KCNIP4: variants seen among roughly 807,000 people sequenced by gnomAD.
The protein encoded by KCNIP4 is Kv channel-interacting protein 4.
KCNIP4 carries 12 observed loss-of-function variants against 34.0 expected under a neutral mutation model. The observed-to-expected ratio is 0.35, with a 90% CI of 0.23 to 0.57. The LOEUF (loss-of-function observed/expected upper bound fraction) is 0.57, where lower values mean the gene tolerates loss of function less well. Among genes scored for constraint, KCNIP4 ranks in the 20% least tolerant of loss-of-function variants. The pLI is 0.83. For synonymous variants in KCNIP4, 124 were observed against 102.2 expected (o/e 1.21, Z -1.29); for missense variants, 238 against 311.7 (o/e 0.76, Z 1.78).
intron 1 of KCNIP4, among the ~76,000 whole-genome samples, chr4:21,677,379 G>T (rs1274561483): frequency 2.0e-5 from 3 of 152,136 alleles, no homozygotes; most frequent in East Asian, 1.9e-4. Context: ...ATCACAGAAG[G>T]TTCCTCACTG....
At chr4:21,203,008 A>G (rs2108958630) in intron 1 of KCNIP4, among the ~76,000 whole-genome samples, 1 of 152,322 alleles carries the variant, frequency 6.6e-6, no homozygotes, top group Non-Finnish European at 1.5e-5. Context: ...CCACAAGTCC[A>G]AGCTCAGTTC....
chr4:20,772,223 A>G (rs1578581270), intron 3 of KCNIP4, among the ~76,000 whole-genome samples: 1 of 152,276 alleles, frequency 6.6e-6, no homozygotes, highest in African/African-American at 2.4e-5. Flanking sequence ...GCGGGGGGAA[A>G]AGTTAACTAA....
chr4:21,461,870 A>C (rs561034392), intron 1 of KCNIP4, among the ~76,000 whole-genome samples: 46 of 152,118 alleles, frequency 3.0e-4, no homozygotes, highest in African/African-American at 1.1e-3. Context: ...TGGTAATCTT[A>C]TCCTCAAATC....
intron 1 of KCNIP4, among the ~76,000 whole-genome samples, chr4:21,681,355 C>T (rs1018709898): frequency 7.2e-5 from 11 of 152,102 alleles, no homozygotes; most frequent in African/African-American, 1.9e-4. Flanking sequence ...ATTCCTCCTG[C>T]CTTGGCCTCC....
At chr4:21,559,370 T>C (rs1217794039) in intron 1 of KCNIP4, among the ~76,000 whole-genome samples, 1 of 152,140 alleles carries the variant, frequency 6.6e-6, no homozygotes, top group African/African-American at 2.4e-5. Flanking sequence ...TTCGATGATA[T>C]ATTGTAGACC....
intron 1 of KCNIP4, among the ~76,000 whole-genome samples, chr4:21,069,599 A>T (rs559620235): frequency 6.6e-6 from 1 of 152,166 alleles, no homozygotes; most frequent in Admixed American, 6.6e-5. Flanking sequence ...GTGGGAGAGG[A>T]CATAGGTTAA....
chr4:21,835,721 A>G (rs942417835), intron 1 of KCNIP4, among the ~76,000 whole-genome samples: 1 of 152,052 alleles, frequency 6.6e-6, no homozygotes, highest in African/African-American at 2.4e-5. Flanking sequence ...GCTTTCATGT[A>G]TATGTATCAG....
intron 1 of KCNIP4, among the ~76,000 whole-genome samples, chr4:21,355,681 A>G (rs1718510075): frequency 6.6e-6 from 1 of 152,154 alleles, no homozygotes; most frequent in Non-Finnish European, 1.5e-5. Flanking sequence ...ACCAAGAAAA[A>G]GTCTAGGACC....
chr4:20,843,629 C>T (rs959820804), intron 3 of KCNIP4, among the ~76,000 whole-genome samples: 1 of 152,244 alleles, frequency 6.6e-6, no homozygotes, highest in Non-Finnish European at 1.5e-5. Flanking sequence ...ACTCAGGAGG[C>T]TGAGGCAGAA....
intron 1 of KCNIP4, among the ~76,000 whole-genome samples, chr4:21,226,321 G>T (rs897380013): frequency 1.6e-5 from 2 of 123,680 alleles, no homozygotes; most frequent in African/African-American, 8.4e-5. Context: ...AGGAAAGAAA[G>T]GGAAGGGAAG....
At chr4:21,123,846 A>G (rs1248871986) in intron 1 of KCNIP4, among the ~76,000 whole-genome samples, 1 of 152,104 alleles carries the variant, frequency 6.6e-6, no homozygotes, top group Non-Finnish European at 1.5e-5. Flanking sequence ...AATGTATAGC[A>G]AGCATGTGGC....
At chr4:20,962,046 T>C (rs2149661297) in intron 1 of KCNIP4, among the ~76,000 whole-genome samples, 1 of 152,300 alleles carries the variant, frequency 6.6e-6, no homozygotes, top group South Asian at 2.1e-4. Context: ...TCTTCCTCCT[T>C]GGGGAGGAAT....
Position 21,385,246 on chromosome 4 carries a change from ACT to A in KCNIP4, c.62-502539_62-502538del, listed in dbSNP as rs540768116. Among the ~76,000 whole-genome samples, 301 of 152,216 alleles carry A rather than the reference ACT, an allele frequency of 2.0e-3. 1 individual carries two copies. Among genetic ancestry groups the A allele is most frequent in the Non-Finnish European group, 3.4e-3 (229 of 67,998 alleles). ...CTGGTTAAAGGGTGTTCATGGCCAA[ACT>A]CTATTTACCAGACTATGAGAGCAAA... On this transcript the variant is annotated intron_variant, in intron 1 of 8. Transcript: ENST00000382152.
In KCNIP4 at chr4:21,948,765, G is replaced by A. The variant is rs902834181; in HGVS notation, c.-134C>T. 1.7e-6 allele frequency: 2 copies of A among 1,151,630 alleles called. No homozygotes were observed. Among genetic ancestry groups the A allele is most frequent in the African/African-American group, 1.6e-5 (1 of 61,076 alleles). 71.3% of individuals were successfully genotyped at this position (1,151,630 alleles called of 1,614,324 possible). A position where few individuals can be genotyped will look rare whatever the true frequency, so the allele number is the denominator to read the frequency against. ...GGCGCTGGGAGCGAGAGCTTCGGCG[G>A]CGGCTGCGGGCAGGGCGCGCGGAGC... is the stretch of plus-strand genomic sequence containing the variant. On this transcript the variant is annotated 5_prime_UTR_variant, in exon 1 of 9. Coordinates refer to ENST00000382152, the MANE Select transcript of KCNIP4 (RefSeq NM_025221.6).
chr4:21,748,732 T>C (rs1010470502), intron 1 of KCNIP4, among the ~76,000 whole-genome samples: 1 of 152,112 alleles, frequency 6.6e-6, no homozygotes, highest in Non-Finnish European at 1.5e-5. Context: ...CTTGTACTTG[T>C]AGTCATCTGA....
In KCNIP4 at chr4:21,005,202, C is replaced by G. The variant is rs144747924; in HGVS notation, c.62-122493G>C. On this transcript the variant is annotated intron_variant, in intron 1 of 8. Coordinates refer to ENST00000382152, the MANE Select transcript of KCNIP4 (RefSeq NM_025221.6). ...AGGGGTTCCCAGATTATAATGTTAG[C>G]TGCAGATCAGATGTTTGGAAAGGCC... Among the ~76,000 whole-genome samples, 708 of 152,276 alleles carry G rather than the reference C, an allele frequency of 4.6e-3. 4 individuals are homozygous for G. The highest frequency in any genetic ancestry group is 0.015 in the African/African-American group (636 of 41,546).
At chr4:20,827,541 G>A (rs187778618) in intron 3 of KCNIP4, among the ~76,000 whole-genome samples, 1 of 152,214 alleles carries the variant, frequency 6.6e-6, no homozygotes, top group East Asian at 1.9e-4. Flanking sequence ...ACAGTCTGAG[G>A]TACTGGATGT....
chr4:20,801,748 T>C (rs1000388633), intron 3 of KCNIP4, among the ~76,000 whole-genome samples: 7 of 151,900 alleles, frequency 4.6e-5, no homozygotes, highest in Non-Finnish European at 1.0e-4. Context: ...ACCACAATGA[T>C]AGACAACAAG....
At chr4:21,499,473 G>T (rs910713802) in intron 1 of KCNIP4, among the ~76,000 whole-genome samples, 1 of 151,960 alleles carries the variant, frequency 6.6e-6, no homozygotes, top group African/African-American at 2.4e-5. Flanking sequence ...TAGCATAAAT[G>T]CTGATTTGTT....
Sources: allele counts gnomAD v4.1 joint callset (sites outside exome capture counted in the v4.1 genomes callset), GRCh38; gene constraint gnomAD v4.1.1; transcripts MANE v1.5; gene names NCBI Gene and HGNC (gene_info 2026-07-23, HGNC 2026-07-21).